Variants in CSMD1 observed in about 807,000 individuals in gnomAD.
CSMD1 encodes the protein CUB and sushi domain-containing protein 1.
In CSMD1, 213 loss-of-function variants were observed where a neutral mutation model predicts 417.5. The ratio of observed to expected loss-of-function variants is 0.51; its 90% CI spans 0.46 to 0.57. The LOEUF (loss-of-function observed/expected upper bound fraction) is 0.57, where lower values mean the gene tolerates loss of function less well. Among genes scored for constraint, CSMD1 ranks in the 20% least tolerant of loss-of-function variants. The pLI is 0.00. For missense variants in CSMD1, 6,923 were observed against 4,529.7 expected (o/e 1.53, Z -15.17); for synonymous variants, 2,862 against 1,736.8 (o/e 1.65, Z -16.11).
intron 30 of CSMD1, among the ~76,000 whole-genome samples, chr8:3,210,575 T>A (rs538629503): frequency 1.9e-5 from 2 of 107,126 alleles, no homozygotes; most frequent in Admixed American, 1.8e-4. Context: ...TTCCTATACA[T>A]ATGTGTATAA....
At chr8:3,423,587 A>G (rs973483735) in intron 12 of CSMD1, among the ~76,000 whole-genome samples, 1 of 152,034 alleles carries the variant, frequency 6.6e-6, no homozygotes, top group Non-Finnish European at 1.5e-5. Flanking sequence ...AGCTGACTCA[A>G]TGGTCCTCCA....
chr8:3,817,207 C>G lies in CSMD1; in HGVS notation c.819-63165G>C, dbSNP rs943873716. 2.1e-5 allele frequency among the ~76,000 whole-genome samples: 3 copies of G among 144,220 alleles called. No homozygotes were observed. The Admixed American group carries it at 2.1e-4, about 10-fold the overall frequency. The allele number at this position is 144,220 out of a possible 152,430, so 94.6% of individuals were successfully genotyped here. A position where few individuals can be genotyped will look rare whatever the true frequency, so the allele number is the denominator to read the frequency against. On this transcript the variant is annotated intron_variant, in intron 5 of 69. Transcript: ENST00000635120. ...CCCAATGAAAATGGTCAATTGTCCA[C>G]TCTGGAAAGGATCTCCAAATCCAAA...
At chr8:4,961,428 T>C (rs10090605) in intron 1 of CSMD1, among the ~76,000 whole-genome samples, 1 of 151,980 alleles carries the variant, frequency 6.6e-6, no homozygotes, top group Non-Finnish European at 1.5e-5. Context: ...TCTTTACTCC[T>C]TGAAATGTCC....
intron 1 of CSMD1, among the ~76,000 whole-genome samples, chr8:4,877,190 G>T (rs938695895): frequency 6.6e-6 from 1 of 151,890 alleles, no homozygotes; most frequent in Admixed American, 6.6e-5. Context: ...AATGGCCCCT[G>T]AATGAGTATG....
At chr8:4,448,952 T>C (rs1341394741) in intron 2 of CSMD1, among the ~76,000 whole-genome samples, 2 of 152,224 alleles carry the variant, frequency 1.3e-5, no homozygotes, top group African/African-American at 4.8e-5. Flanking sequence ...CCAGTGTACC[T>C]GTTTCTCTTC....
chr8:4,363,839 T>C (rs1302112156), intron 3 of CSMD1, among the ~76,000 whole-genome samples: 1 of 152,120 alleles, frequency 6.6e-6, no homozygotes, highest in Non-Finnish European at 1.5e-5. Flanking sequence ...ATTTGTGGGA[T>C]CTGAAAATCA....
intron 3 of CSMD1, among the ~76,000 whole-genome samples, chr8:4,284,668 C>G (rs1351287814): frequency 6.6e-6 from 1 of 152,054 alleles, no homozygotes; most frequent in Non-Finnish European, 1.5e-5. Flanking sequence ...GGAGGATCCC[C>G]ACAACACTCT....
In CSMD1 at chr8:2,935,545, T is replaced by G. The variant is rs925759694; in HGVS notation, c.*3040A>C. The stretch of plus-strand genomic sequence containing the variant: ...TGAAAATCAGCTAGAGATGGTACAT[T>G]TTACATTATTGGGAAAATTACAGTT... On this transcript the variant is annotated 3_prime_UTR_variant, in exon 70 of 70. Coordinates refer to ENST00000635120, the MANE Select transcript of CSMD1 (RefSeq NM_033225.6). 2 of 152,180 alleles carry G rather than the reference T, an allele frequency of 1.3e-5. No individual in the cohort carries two copies. The highest frequency in any genetic ancestry group is 2.9e-5 in the Non-Finnish European group (2 of 68,042). The allele number at this position is 152,180 out of a possible 1,614,324, so 9.4% of individuals were successfully genotyped here.
intron 18 of CSMD1, among the ~76,000 whole-genome samples, chr8:3,376,268 T>C (rs534665694): frequency 5.9e-5 from 9 of 152,124 alleles, no homozygotes; most frequent in African/African-American, 1.2e-4. Flanking sequence ...AGTAAACTAA[T>C]TGCCTGCAAG....
intron 2 of CSMD1, among the ~76,000 whole-genome samples, chr8:4,439,651 T>G (rs1563174449): frequency 6.6e-6 from 1 of 152,044 alleles, no homozygotes; most frequent in Non-Finnish European, 1.5e-5. Flanking sequence ...AAAATGGAAG[T>G]TGGTAGGAGT....
chr8:4,505,552 C>G (rs1006294623), intron 2 of CSMD1, among the ~76,000 whole-genome samples: 3 of 152,090 alleles, frequency 2.0e-5, no homozygotes, highest in Non-Finnish European at 4.4e-5. Flanking sequence ...CATATACTAT[C>G]AAAATAATGC....
At chr8:3,986,690 G>A (rs1053387853) in intron 5 of CSMD1, among the ~76,000 whole-genome samples, 11 of 152,178 alleles carry the variant, frequency 7.2e-5, no homozygotes, top group Admixed American at 4.6e-4. Flanking sequence ...CATTTTACAA[G>A]CATTTTACCA....
At chr8:3,857,242 G>C (rs556577980) in intron 5 of CSMD1, among the ~76,000 whole-genome samples, 1 of 152,178 alleles carries the variant, frequency 6.6e-6, no homozygotes, top group Non-Finnish European at 1.5e-5. Flanking sequence ...AGGTGGTAGA[G>C]TTACAAGCAA....
intron 2 of CSMD1, among the ~76,000 whole-genome samples, chr8:4,602,707 T>A (rs1270317738): frequency 6.6e-6 from 1 of 152,226 alleles, no homozygotes; most frequent in Non-Finnish European, 1.5e-5. Context: ...ATCTTCATTG[T>A]TGTTATCTAC....
intron 10 of CSMD1, among the ~76,000 whole-genome samples, chr8:3,546,714 A>G (rs549405456): frequency 2.6e-5 from 4 of 152,330 alleles, no homozygotes; most frequent in African/African-American, 7.2e-5. Context: ...CAATGTAGGA[A>G]TTACTGAAGA....
intron 1 of CSMD1, among the ~76,000 whole-genome samples, chr8:4,954,213 C>A (rs1366943444): frequency 6.6e-6 from 1 of 152,172 alleles, no homozygotes; most frequent in Non-Finnish European, 1.5e-5. Context: ...TCCCTAACCT[C>A]AAGGAGCTCA....
At chr8:4,960,683 G>A (rs890166825) in intron 1 of CSMD1, among the ~76,000 whole-genome samples, 4 of 152,014 alleles carry the variant, frequency 2.6e-5, no homozygotes, top group Admixed American at 1.3e-4. Flanking sequence ...ATACATACAT[G>A]CATAAATTAT....
rs368828677 is a variant in CSMD1, at chr8:3,753,942, C to A, written c.919G>T (p.Ala307Ser). ...DSNHRRKGFN[A>S]QFQVKKAIEL... ...GGAGCATCCTTACCTTGGAACTGAG[C>A]GTTAAATCCTTTGCGTCGGTGGTTG... The change falls in exon 6 of 70, where the codon GCT becomes TCT. Residue 307 changes from alanine to serine, a missense_variant. Coordinates refer to ENST00000635120, the MANE Select transcript of CSMD1 (RefSeq NM_033225.6). 3.1e-5 allele frequency: 50 copies of A among 1,608,026 alleles called. No individual in the cohort carries two copies. The highest frequency in any genetic ancestry group is 4.0e-5 in the Non-Finnish European group (47 of 1,175,850).
At chr8:3,236,294 G>A (rs1208998067) in intron 26 of CSMD1, among the ~76,000 whole-genome samples, 1 of 152,002 alleles carries the variant, frequency 6.6e-6, no homozygotes, top group Non-Finnish European at 1.5e-5. Context: ...ATTTTCAAAG[G>A]TTATTTAAAA....
Sources: gnomAD v4.1 joint callset for allele counts (sites outside exome capture counted in the v4.1 genomes callset) on GRCh38, gnomAD v4.1.1 for gene constraint, MANE v1.5 for transcripts, NCBI Gene and HGNC (gene_info 2026-07-23, HGNC 2026-07-21) for gene names.